The following C16orf78 variants were observed in gnomAD, a reference collection of about 807,000 sequenced individuals.
C16orf78 encodes the protein chromosome 16 open reading frame 78.
C16orf78 carries 19 observed loss-of-function variants against 27.3 expected under a neutral mutation model. The ratio of observed to expected loss-of-function variants is 0.70; its 90% confidence interval spans 0.49 to 1.02. The LOEUF is 1.02. Ranked by LOEUF, C16orf78 falls within the 50% of genes least tolerant of loss-of-function variation. The pLI is 0.00. For missense variants in C16orf78, 339 were observed against 337.0 expected, an observed-to-expected ratio of 1.01 and a Z score of -0.05; for synonymous variants, 130 against 116.1, an observed-to-expected ratio of 1.12 and a Z score of -0.77.
chr16:49,384,609 G>A (rs906023644), intron 3 of C16orf78, among the ~76,000 whole-genome samples: 1 of 152,126 alleles, frequency 6.6e-6, no homozygotes, highest in Admixed American at 6.6e-5. Flanking sequence ...AAGGAGAATA[G>A]AGTGATAAAA....
At chr16:49,392,742 A>G (rs1382758514) in intron 3 of C16orf78, among the ~76,000 whole-genome samples, 1 of 152,132 alleles carries the variant, frequency 6.6e-6, no homozygotes, top group African/African-American at 2.4e-5. Flanking sequence ...GGTTTGTTAC[A>G]TGGGTAAATT....
In C16orf78 at chr16:49,377,640, C is replaced by A; in HGVS notation, c.151-91C>A. ...TGAAGCCTGTGGAGGGGAGGGACAG[C>A]CCCTCACCTGGGAGCCTTCTCCTTG... is the stretch of plus-strand genomic sequence containing the variant. On this transcript the variant is annotated intron_variant, in intron 1 of 4. Coordinates refer to ENST00000299191, the MANE Select transcript of C16orf78 (RefSeq NM_144602.4). 11 of 1,474,338 alleles carry A rather than the reference C, an allele frequency of 7.5e-6. No individual in the cohort carries two copies. The Admixed American group carries it at 2.1e-4, about 28-fold the overall frequency. 91.3% of individuals were successfully genotyped at this position (1,474,338 alleles called of 1,614,324 possible).
chr16:49,375,226 C>G (rs571733498), intron 1 of C16orf78, among the ~76,000 whole-genome samples: 1 of 152,246 alleles, frequency 6.6e-6, no homozygotes, highest in Admixed American at 6.5e-5. Context: ...TCCAGGTCAG[C>G]ACCTGCCTTT....
At chr16:49,377,608 T>C (rs1965235141) in intron 1 of C16orf78, 123 bp from the exon 2 acceptor site, 7 of 1,239,376 alleles carry the variant, frequency 5.6e-6, no homozygotes, top group Non-Finnish European at 7.8e-6. Flanking sequence ...CCCTAGAGTG[T>C]GTGTGCTGAA....
In C16orf78 at chr16:49,377,848, C is replaced by T; in HGVS notation, c.268C>T (p.Gln90Ter). ...GNRRDTETSQQALGKRFRKDA... is the reference protein window; with the variant it reads ...GNRRDTETSQ ...CCGCAGGGACACGGAGACTTCCCAG[C>T]AGGTAATGCAGCCCCTCTTCCCCCA... Residue 90 changes from glutamine to a stop codon, truncating the protein, a stop_gained and splice_region_variant, in exon 2 of 5, where the codon CAG becomes TAG. Transcript: ENST00000299191. LOFTEE classifies it high-confidence loss of function. 1 of 1,568,950 alleles carries T rather than the reference C, an allele frequency of 6.4e-7. No homozygotes were observed. Among genetic ancestry groups the T allele is most frequent in the Non-Finnish European group, 8.7e-7 (1 of 1,155,954 alleles).
intron 3 of C16orf78, among the ~76,000 whole-genome samples, chr16:49,381,592 A>ACTTTTT (rs1199180050): frequency 1.6e-4 from 25 of 152,152 alleles, no homozygotes; most frequent in African/African-American, 5.8e-4. Context: ...CCCCATCAAA[A>ACTTTTT]AGTGGGCAAA....
At chr16:49,374,347 TTTC>T (rs1159209956) in intron 1 of C16orf78, among the ~76,000 whole-genome samples, 2 of 152,222 alleles carry the variant, frequency 1.3e-5, no homozygotes, top group South Asian at 2.1e-4. Flanking sequence ...AGGTACAATC[TTTC>T]TTGATGATTA....
chr16:49,393,739 C>G (rs1314848611), intron 3 of C16orf78, among the ~76,000 whole-genome samples: 1 of 151,948 alleles, frequency 6.6e-6, no homozygotes, highest in African/African-American at 2.4e-5. Flanking sequence ...ATATTAAATA[C>G]TGGCTGGGAT....
At position 49,396,734 on chromosome 16, in the gene C16orf78, C is replaced by T. The variant is rs1185148169; in HGVS notation, c.650+56C>T. The T allele has an allele frequency of 2.1e-5, 33 of 1,564,172 alleles. No individual in the cohort carries two copies. The South Asian group carries it at 3.1e-4, about 15-fold the overall frequency. On this transcript the variant is annotated intron_variant, in intron 4 of 4. Transcript: ENST00000299191. ...GTGGGGTCCTGGAACAGGCTTTGCT[C>T]ACTCTTGTCCCTGGCTCAAACACCT...
At chr16:49,374,865 C>T (rs866407777) in intron 1 of C16orf78, among the ~76,000 whole-genome samples, 1 of 152,136 alleles carries the variant, frequency 6.6e-6, no homozygotes, top group East Asian at 1.9e-4. Context: ...TATGAAGAAC[C>T]AAGCCATGTC....
rs764203233 is a variant in C16orf78 at position 49,396,624 on chromosome 16, A to C, written c.596A>C (p.Glu199Ala). 10 of 1,613,492 alleles carry C rather than the reference A, an allele frequency of 6.2e-6. No individual in the cohort carries two copies. In the South Asian group the frequency reaches 9.9e-5, roughly 16 times the overall value. Residue 199 changes from glutamate to alanine, a missense_variant, in exon 4 of 5, where the codon GAA (glutamate) becomes GCA (alanine). Physicochemically the swap from Glu to Ala is moderately radical, Grantham distance 107. Transcript: ENST00000299191. ...KLKSLMEKST[E>A]PKMETMRMLK... ...AAGAGCCTCATGGAGAAAAGCACCG[A>C]ACCTAAGATGGAAACCATGAGGATG...
At chr16:49,375,340 A>G (rs551878509) in intron 1 of C16orf78, among the ~76,000 whole-genome samples, 1 of 152,176 alleles carries the variant, frequency 6.6e-6, no homozygotes, top group African/African-American at 2.4e-5. Flanking sequence ...TAAAAAAAAA[A>G]TAAAAAAAAA....
chr16:49,379,974 TA>T (rs1186957730), intron 3 of C16orf78, among the ~76,000 whole-genome samples: 1 of 152,176 alleles, frequency 6.6e-6, no homozygotes, highest in Non-Finnish European at 1.5e-5. Context: ...CCAGCACAGC[TA>T]GAATAAAGCA....
At chr16:49,389,927 A>G (rs76981132) in intron 3 of C16orf78, among the ~76,000 whole-genome samples, 5,202 of 152,248 alleles carry the variant, frequency 0.034, 107 homozygotes, top group South Asian at 0.11. Context: ...TCTTTAACGT[A>G]TCTTGTGGTG....
chr16:49,382,270 G>C (rs923627967), intron 3 of C16orf78, among the ~76,000 whole-genome samples: 1 of 152,088 alleles, frequency 6.6e-6, no homozygotes, highest in Non-Finnish European at 1.5e-5. Context: ...GTTGTGGGGT[G>C]GGGGGAGTGG....
chr16:49,387,584 C>T (rs1965366329), intron 3 of C16orf78, among the ~76,000 whole-genome samples: 1 of 152,186 alleles, frequency 6.6e-6, no homozygotes, highest in African/African-American at 2.4e-5. Flanking sequence ...AGGAGTCCCT[C>T]CTCCTCAATT....
chr16:49,379,632 G>T (rs1047570238), intron 3 of C16orf78, among the ~76,000 whole-genome samples: 1 of 151,906 alleles, frequency 6.6e-6, no homozygotes, highest in African/African-American at 2.4e-5. Context: ...AGCACTTTAG[G>T]GGCATTACTG....
At position 49,373,857 on chromosome 16, in the gene C16orf78, A is replaced by G; in HGVS notation, c.-83A>G. On this transcript the variant is annotated 5_prime_UTR_variant, in exon 1 of 5. Transcript: ENST00000299191. The stretch of plus-strand genomic sequence containing the variant: ...GCCACACCCTACCTTCTAAGTCACC[A>G]GGCCATCAAGTCCAGACAAAGGGAT... 6.5e-7 allele frequency: 1 copy of G among 1,539,174 alleles called. No individual in the cohort carries two copies. The highest frequency in any genetic ancestry group is 1.7e-5 in the Admixed American group (1 of 57,514).
In C16orf78 at chr16:49,377,603, G is replaced by A. The variant is rs1174556642; in HGVS notation, c.151-128G>A. On this transcript the variant is annotated intron_variant, in intron 1 of 4. Coordinates refer to ENST00000299191, the MANE Select transcript of C16orf78 (RefSeq NM_144602.4). The stretch of plus-strand genomic sequence containing the variant: ...AGAGGAACAGTGACGACAGGCCCTA[G>A]AGTGTGTGTGCTGAAGCCTGTGGAG... 4.9e-6 allele frequency: 6 copies of A among 1,220,784 alleles called. No homozygotes were observed. In the East Asian group the frequency reaches 7.6e-5, roughly 16 times the overall value. The allele number at this position is 1,220,784 out of a possible 1,614,324, so 75.6% of individuals were successfully genotyped here. A position where few individuals can be genotyped will look rare whatever the true frequency, so the allele number is the denominator to read the frequency against.
Sources: gnomAD v4.1 joint callset for allele counts (sites outside exome capture counted in the v4.1 genomes callset) on GRCh38, gnomAD v4.1.1 for gene constraint, MANE v1.5 for transcripts, NCBI Gene and HGNC (gene_info 2026-07-23, HGNC 2026-07-21) for gene names.